The following NXF3 variants were observed in gnomAD, a reference collection of about 807,000 sequenced individuals.
NXF3 encodes nuclear RNA export factor 3.
A neutral mutation model predicts 48.4 loss-of-function variants in NXF3; 34 were observed. That is an observed-to-expected ratio of 0.70 (90% CI 0.53 to 0.93). The LOEUF is 0.93. NXF3 is among the 40% of genes least tolerant of loss of function. The pLI is 0.00. For missense variants in NXF3, 359 were observed against 406.1 expected (o/e 0.88, Z 1.00); for synonymous variants, 132 against 145.7 (o/e 0.91, Z 0.68).
chrX:103,079,225 C>T lies in NXF3; in HGVS notation c.1374G>A (p.Lys458=), dbSNP rs1227062191. The T allele has an allele frequency of 8.3e-7, 1 of 1,209,355 alleles. No individual in the cohort carries two copies. The highest frequency in any genetic ancestry group is 1.8e-5 in the African/African-American group (1 of 57,090). ...AGGGACTCTACAGACACTCACCTTC[C>T]TTGAACACCCCGTTGACAGAAAAGC... The part of the protein sequence containing the change: ...MLCFSVNGVF[K]EVEGQSQGSV... Residue 458 remains lysine, a synonymous_variant, in exon 16 of 20, where the codon AAG becomes AAA. Transcript: ENST00000395065.
chrX:103,079,071 T>C (rs1921942195), intron 16 of NXF3, 150 bp downstream of exon 16: 8 of 619,556 alleles, frequency 1.3e-5, no homozygotes, highest in Non-Finnish European at 2.1e-5. Context: ...ATCAGGGTGG[T>C]TTGTGGGCAG....
intron 1 of NXF3, 86 bp downstream of exon 1, chrX:103,092,910 T>G: frequency 2.2e-6 from 2 of 928,867 alleles, no homozygotes; most frequent in Non-Finnish European, 3.1e-6. Flanking sequence ...CTGGGTGTTA[T>G]GTGGGTTAGG....
In NXF3 at chrX:103,092,797, C is replaced by T. The variant is rs138022670; in HGVS notation, c.28+199G>A. On this transcript the variant is annotated intron_variant, in intron 1 of 19. Coordinates refer to ENST00000395065, the MANE Select transcript of NXF3 (RefSeq NM_022052.2). ...GAATGTTAATTTTTACCAACCCCTGCCTCAGGTGACCCTCCTCATACCTCA... is the reference window on the plus strand; with the variant it reads ...GAATGTTAATTTTTACCAACCCCTGTCTCAGGTGACCCTCCTCATACCTCA... Among the ~76,000 whole-genome samples, 231 of 112,683 alleles carry T rather than the reference C, an allele frequency of 2.1e-3. 2 individuals are homozygous for T. In the East Asian group the frequency reaches 0.023, roughly 11 times the overall value.
chrX:103,091,742 T>C (rs1464797697), intron 1 of NXF3, among the ~76,000 whole-genome samples: 2 of 110,258 alleles, frequency 1.8e-5, no homozygotes, highest in East Asian at 5.7e-4. Flanking sequence ...TCCCAGCACT[T>C]TGGGAGGCCG....
chrX:103,090,764 T>C (rs1263015425), intron 1 of NXF3, among the ~76,000 whole-genome samples: 6 of 111,788 alleles, frequency 5.4e-5, no homozygotes, highest in African/African-American at 2.0e-4. Flanking sequence ...TTGGGTTTAA[T>C]TTACAGAGAT....
At chrX:103,088,693 T>C in intron 1 of NXF3, 3 of 964,654 alleles carry the variant, frequency 3.1e-6, no homozygotes, top group East Asian at 3.1e-5. Context: ...ATTTAGTTCA[T>C]ACTGGACAGA....
intron 12 of NXF3, 57 bp from the exon 13 acceptor site, chrX:103,079,927 T>G: frequency 8.4e-7 from 1 of 1,189,106 alleles, no homozygotes; most frequent in Non-Finnish European, 1.1e-6. Context: ...AAATGAGTCT[T>G]GAAAGTCTGA....
Position 103,077,818 on chromosome X carries a change from C to T in NXF3, c.1452-72G>A. The T allele has an allele frequency of 4.4e-6, 5 of 1,134,732 alleles. No individual in the cohort carries two copies. In the South Asian group the frequency reaches 7.6e-5, roughly 17 times the overall value. The allele number at this position is 1,134,732 out of a possible 1,213,427, so 93.5% of individuals were successfully genotyped here. A position where few individuals can be genotyped will look rare whatever the true frequency, so the allele number is the denominator to read the frequency against. ...CCCACCCGCTACAAGGATCTTTTTCCTACTGTTCAGCAACCTGATTTCTTC... is the reference window on the plus strand; with the variant it reads ...CCCACCCGCTACAAGGATCTTTTTCTTACTGTTCAGCAACCTGATTTCTTC... On this transcript the variant is annotated intron_variant, in intron 17 of 19. Coordinates refer to ENST00000395065, the MANE Select transcript of NXF3 (RefSeq NM_022052.2).
Position 103,084,761 on chromosome X carries a change from C to T in NXF3, c.151G>A (p.Gly51Arg). Residue 51 changes from glycine to arginine, a missense_variant, in exon 2 of 20, where the codon GGA becomes AGA. Physicochemically the swap from Gly to Arg is moderately radical, Grantham distance 125 (BLOSUM62 -2). Transcript: ENST00000395065. ...TGGGCACCATGCATTGCTGCATCTC[C>T]ATCTTGCTGCTGATGGGATGAAGAA... ...MHSSSHQQQD[G>R]DAAMHGAHMD... The T allele has an allele frequency of 8.3e-7, 1 of 1,211,850 alleles. No individual in the cohort carries two copies. Among genetic ancestry groups the T allele is most frequent in the Non-Finnish European group, 1.1e-6 (1 of 895,423 alleles).
In NXF3 at chrX:103,082,275, C is replaced by G; in HGVS notation, c.870G>C (p.Ser290=). ...ADRSPVCTTF[S]DTSSNINSIL... is the part of the protein sequence containing the mutation. ...CTGACTTTATGTTGCTGGAGGTATC[C>G]GAGAAGGTCGTGCACACTGGGCTTC... The change falls in exon 9 of 20, where the codon TCG becomes TCC. Residue 290 remains serine (S), a synonymous_variant. Coordinates refer to ENST00000395065, the MANE Select transcript of NXF3 (RefSeq NM_022052.2). 1 of 1,205,215 alleles carries G rather than the reference C, an allele frequency of 8.3e-7. No individual in the cohort carries two copies. The highest frequency in any genetic ancestry group is 1.1e-6 in the Non-Finnish European group (1 of 889,968).
intron 12 of NXF3, 23 bp downstream of exon 12, chrX:103,079,990 C>T: frequency 8.3e-7 from 1 of 1,207,293 alleles, no homozygotes; most frequent in Non-Finnish European, 1.1e-6. Context: ...CTTCTCTTGC[C>T]TCAGATTCCC....
chrX:103,084,999 C>T, intron 1 of NXF3, 116 bp from the exon 2 acceptor site: 1 of 711,398 alleles, frequency 1.4e-6, no homozygotes, highest in Non-Finnish European at 2.1e-6. Context: ...GGATCTGGCT[C>T]TACTGCCCAG....
chrX:103,086,903 G>A (rs955588364), intron 1 of NXF3, among the ~76,000 whole-genome samples: 4 of 112,046 alleles, frequency 3.6e-5, no homozygotes, highest in South Asian at 3.8e-4. Context: ...GCAGGTGCGC[G>A]CACTGCCTTC....
intron 1 of NXF3, among the ~76,000 whole-genome samples, chrX:103,085,651 C>T (rs1157591112): frequency 9.0e-6 from 1 of 111,444 alleles, no homozygotes; most frequent in African/African-American, 3.3e-5. Context: ...TGCCTGTAAT[C>T]CCAGCACTTT....
intron 1 of NXF3, chrX:103,087,915 G>A: frequency 1.1e-6 from 1 of 947,125 alleles, no homozygotes; most frequent in South Asian, 2.2e-5. Context: ...CTAGGAATAA[G>A]GCTTTTTGAG....
intron 1 of NXF3, among the ~76,000 whole-genome samples, chrX:103,092,235 G>GTT (rs371413249): frequency 7.4e-5 from 8 of 107,761 alleles, no homozygotes; most frequent in South Asian, 4.0e-4. Context: ...TAGAATTATT[G>GTT]TTTTTTTTTG....
In NXF3 at chrX:103,083,396, A is replaced by G. The variant is rs1922067835; in HGVS notation, c.540+2T>C. ...AGCCCTGGTCATTCATTTGACACACACCTTTTCATTATCCTCATCCCAAAT... is the reference window on the plus strand; with the variant it reads ...AGCCCTGGTCATTCATTTGACACACGCCTTTTCATTATCCTCATCCCAAAT... On this transcript the variant is annotated splice_donor_variant, in intron 5 of 19. Coordinates refer to ENST00000395065, the MANE Select transcript of NXF3 (RefSeq NM_022052.2). LOFTEE classifies it high-confidence loss of function. 13 of 1,199,786 alleles carry G rather than the reference A, an allele frequency of 1.1e-5. No individual in the cohort carries two copies. The highest frequency in any genetic ancestry group is 1.4e-5 in the Non-Finnish European group (12 of 884,993).
chrX:103,088,881 C>A, intron 1 of NXF3: 1 of 1,189,019 alleles, frequency 8.4e-7, no homozygotes. Context: ...TGATTCCCAA[C>A]AATGTCAGGC....
intron 16 of NXF3, 105 bp from the exon 17 acceptor site, chrX:103,078,737 C>G (rs1921933323): frequency 3.6e-6 from 4 of 1,119,890 alleles, no homozygotes; most frequent in Admixed American, 4.4e-5. Flanking sequence ...AGAAGGGGGC[C>G]AGACCAGGAC....
Sources: allele counts gnomAD v4.1 joint callset (sites outside exome capture counted in the v4.1 genomes callset), GRCh38; gene constraint gnomAD v4.1.1; transcripts MANE v1.5; gene names NCBI Gene and HGNC (gene_info 2026-07-23, HGNC 2026-07-21).